Variants in TSPAN33 observed in about 807,000 individuals in gnomAD.
The protein encoded by TSPAN33 is tetraspanin 33.
A neutral mutation model predicts 34.8 loss-of-function variants in TSPAN33; 27 were observed. The ratio of observed to expected loss-of-function variants is 0.78; its 90% CI spans 0.57 to 1.07. The LOEUF (loss-of-function observed/expected upper bound fraction) is 1.07, where lower values mean the gene tolerates loss of function less well. Ranked by LOEUF, TSPAN33 falls within the 50% of genes least tolerant of loss-of-function variation. TSPAN33 has a pLI of 0.00. For missense variants in TSPAN33, 272 were observed against 324.9 expected, an observed-to-expected ratio of 0.84 and a Z score of 1.25; for synonymous variants, 119 against 124.2, an observed-to-expected ratio of 0.96 and a Z score of 0.28.
chr7:129,162,423 C>G lies in TSPAN33; in HGVS notation c.190C>G (p.Pro64Ala). Residue 64 changes from proline (P) to alanine (A), a missense_variant, in exon 3 of 8, where the codon CCT becomes GCT. Pro to Ala is a conservative substitution (Grantham distance 27, BLOSUM62 -1). Transcript: ENST00000486685. Reference protein sequence around the residue: ...EAALACLAVDPAILLIVVGVL... With the variant: ...EAALACLAVDAAILLIVVGVL... ...AGCCCTAGCCTGCCTGGCAGTGGAC[C>G]CTGCCATCCTGCTGATCGTGGTGGG... 6.2e-7 allele frequency: 1 copy of G among 1,613,788 alleles called. No individual in the cohort carries two copies. The highest frequency in any genetic ancestry group is 1.3e-5 in the African/African-American group (1 of 75,038).
intron 4 of TSPAN33, 76 bp from the exon 5 acceptor site, chr7:129,164,398 C>A: frequency 1.6e-6 from 2 of 1,258,576 alleles, no homozygotes; most frequent in Non-Finnish European, 2.3e-6. Flanking sequence ...TGATCCCTGT[C>A]TACTGTTATT....
At position 129,148,682 on chromosome 7, in the gene TSPAN33, C is replaced by G. The variant is rs1023397481; in HGVS notation, c.102+3600C>G. 6.6e-6 allele frequency among the ~76,000 whole-genome samples: 1 copy of G among 152,268 alleles called. No individual in the cohort carries two copies. Among genetic ancestry groups the G allele is most frequent in the East Asian group, 1.9e-4 (1 of 5,178 alleles). ...CACTTAAGCCAGGTCAGAAACATGG[C>G]AGCCATCCCCTCCTCAGAGCCACAC... On this transcript the variant is annotated intron_variant, in intron 1 of 7. Coordinates refer to ENST00000486685, the MANE Select transcript of TSPAN33 (RefSeq NM_178562.5). The surrounding 1 kb of genome is among the most constrained non-coding windows in gnomAD (Gnocchi z 4.2).
rs968527130 is a variant in TSPAN33, at chr7:129,168,561, CCTTA to C, written c.*691_*694del. The C allele has an allele frequency of 2.0e-5, 3 of 152,952 alleles. No individual in the cohort carries two copies. The highest frequency in any genetic ancestry group is 2.9e-5 in the Non-Finnish European group (2 of 68,328). The allele number at this position is 152,952 out of a possible 1,614,324, so 9.5% of individuals were successfully genotyped here. On this transcript the variant is annotated 3_prime_UTR_variant, in exon 8 of 8. Coordinates refer to ENST00000486685, the MANE Select transcript of TSPAN33 (RefSeq NM_178562.5). Reference sequence around the variant, plus strand: ...CAGCAGCCAAATTCTTCCCCACCTCCCTTACTTCGAAAAAAAGTTTGGAACCCTG... The same window carrying C: ...CAGCAGCCAAATTCTTCCCCACCTCCCTTCGAAAAAAAGTTTGGAACCCTG...
At chr7:129,164,037 A>G (rs1187330472) in intron 4 of TSPAN33, among the ~76,000 whole-genome samples, 1 of 152,188 alleles carries the variant, frequency 6.6e-6, no homozygotes, top group Non-Finnish European at 1.5e-5. Context: ...CCTGGCTTAC[A>G]GTAAGATCCT....
intron 1 of TSPAN33, among the ~76,000 whole-genome samples, chr7:129,159,261 A>T (rs1309068721): frequency 1.3e-5 from 2 of 152,124 alleles, no homozygotes; most frequent in Non-Finnish European, 2.9e-5. Context: ...GGGTTTCACC[A>T]TGTTGGCCAG....
At chr7:129,147,905 T>C (rs781172202) in intron 1 of TSPAN33, among the ~76,000 whole-genome samples, 5 of 152,312 alleles carry the variant, frequency 3.3e-5, no homozygotes, top group Middle Eastern at 6.8e-3. Flanking sequence ...CTACTGTTCA[T>C]GTTTCAAATC....
At position 129,167,022 on chromosome 7, in the gene TSPAN33, C is replaced by A; in HGVS notation, c.588+116C>A. ...AGCTTCACCGATCAGTCATGTGGGACAGCTGTCAGGTGTTTTTCTTCACCC... is the reference window on the plus strand; with the variant it reads ...AGCTTCACCGATCAGTCATGTGGGAAAGCTGTCAGGTGTTTTTCTTCACCC... On this transcript the variant is annotated intron_variant, in intron 6 of 7. Coordinates refer to ENST00000486685, the MANE Select transcript of TSPAN33 (RefSeq NM_178562.5). The surrounding 1 kb of genome is among the most constrained non-coding windows in gnomAD (Gnocchi z 4.6). The A allele has an allele frequency of 7.8e-7, 1 of 1,279,660 alleles. No individual in the cohort carries two copies. Among genetic ancestry groups the A allele is most frequent in the Non-Finnish European group, 1.1e-6 (1 of 922,116 alleles). 79.3% of individuals were successfully genotyped at this position (1,279,660 alleles called of 1,614,324 possible).
Position 129,168,918 on chromosome 7 carries a change from C to T in TSPAN33, c.*1044C>T, listed in dbSNP as rs1048504564. 1 of 152,280 alleles carries T rather than the reference C, an allele frequency of 6.6e-6. No individual in the cohort carries two copies. The highest frequency in any genetic ancestry group is 1.5e-5 in the Non-Finnish European group (1 of 68,128). The allele number at this position is 152,280 out of a possible 1,614,324, so 9.4% of individuals were successfully genotyped here. ...TGCAGAGGACGGCACTGGAGACTCT[C>T]CTAAACGCCACACACCTCCCCCTTG... On this transcript the variant is annotated 3_prime_UTR_variant, in exon 8 of 8. Coordinates refer to ENST00000486685, the MANE Select transcript of TSPAN33 (RefSeq NM_178562.5).
Position 129,168,046 on chromosome 7 carries a change from G to A in TSPAN33, c.*172G>A. The A allele has an allele frequency of 1.5e-6, 2 of 1,364,440 alleles. No homozygotes were observed. The highest frequency in any genetic ancestry group is 1.5e-5 in the South Asian group (1 of 66,418). The allele number at this position is 1,364,440 out of a possible 1,614,324, so 84.5% of individuals were successfully genotyped here. ...AAGGCAGGGTGCACAGGTGGCTCCA[G>A]TCTCAGGAGGATGCGCCTCCTCTCC... On this transcript the variant is annotated 3_prime_UTR_variant, in exon 8 of 8. Transcript: ENST00000486685.
chr7:129,151,130 A>G (rs190151687), intron 1 of TSPAN33, among the ~76,000 whole-genome samples: 94 of 151,832 alleles, frequency 6.2e-4, no homozygotes, highest in South Asian at 1.3e-3. Context: ...TTATTTGTTT[A>G]TTTGTTTGTT....
chr7:129,150,957 G>A (rs1465277006), intron 1 of TSPAN33, among the ~76,000 whole-genome samples: 3 of 152,060 alleles, frequency 2.0e-5, no homozygotes, highest in Non-Finnish European at 4.4e-5. Context: ...AAAAAGCTAA[G>A]CAGGAGACAA....
At position 129,162,942 on chromosome 7, in the gene TSPAN33, G is replaced by C. The variant is rs1294254591; in HGVS notation, c.363+35G>C. 2.5e-6 allele frequency: 4 copies of C among 1,595,908 alleles called. No individual in the cohort carries two copies. In the African/African-American group the frequency reaches 5.4e-5, roughly 21 times the overall value. ...GGAGCCAGGAGGCCTCCTCAGGTGT[G>C]ACCCAGAGGGAGGAAGGAAGGTTCC... On this transcript the variant is annotated intron_variant, in intron 4 of 7. Coordinates refer to ENST00000486685, the MANE Select transcript of TSPAN33 (RefSeq NM_178562.5).
Position 129,168,047 on chromosome 7 carries a change from T to A in TSPAN33, c.*173T>A. ...AGGCAGGGTGCACAGGTGGCTCCAG[T>A]CTCAGGAGGATGCGCCTCCTCTCCC... On this transcript the variant is annotated 3_prime_UTR_variant, in exon 8 of 8. Transcript: ENST00000486685. 7.3e-7 allele frequency: 1 copy of A among 1,364,708 alleles called. No individual in the cohort carries two copies. The highest frequency in any genetic ancestry group is 9.7e-7 in the Non-Finnish European group (1 of 1,033,316). 84.5% of individuals were successfully genotyped at this position (1,364,708 alleles called of 1,614,324 possible).
chr7:129,151,950 A>G (rs1021081642), intron 1 of TSPAN33, among the ~76,000 whole-genome samples: 1 of 152,242 alleles, frequency 6.6e-6, no homozygotes, highest in Non-Finnish European at 1.5e-5. Context: ...ACACAGCAGT[A>G]TCTGTGTAAT....
intron 3 of TSPAN33, 145 bp downstream of exon 3, chr7:129,162,666 C>T: frequency 6.8e-7 from 1 of 1,472,194 alleles, no homozygotes; most frequent in Non-Finnish European, 9.2e-7. Flanking sequence ...GCCCGGGTGA[C>T]CCAGCACAGG....
At chr7:129,162,259 C>T in intron 2 of TSPAN33, 135 bp from the exon 3 acceptor site, 3 of 1,348,660 alleles carry the variant, frequency 2.2e-6, no homozygotes, top group East Asian at 2.3e-5. Context: ...GGTACTGCCT[C>T]CCCTTAACCT....
At position 129,167,288 on chromosome 7, in the gene TSPAN33, A is replaced by G; in HGVS notation, c.589-111A>G. ...TTCCAACCCAATATCCTCCACATAT[A>G]TTCTCTGACAATTTAGGAGTTTGGG... On this transcript the variant is annotated intron_variant, in intron 6 of 7. Transcript: ENST00000486685. This position sits in a 1 kb window ranked among gnomAD's most constrained non-coding sequence, Gnocchi z 4.6. 7.6e-7 allele frequency: 1 copy of G among 1,318,110 alleles called. No individual in the cohort carries two copies. The highest frequency in any genetic ancestry group is 1.1e-6 in the Non-Finnish European group (1 of 950,210). 81.7% of individuals were successfully genotyped at this position (1,318,110 alleles called of 1,614,324 possible). A position where few individuals can be genotyped will look rare whatever the true frequency, so the allele number is the denominator to read the frequency against.
chr7:129,147,131 C>T (rs573616836), intron 1 of TSPAN33, among the ~76,000 whole-genome samples: 1 of 152,146 alleles, frequency 6.6e-6, no homozygotes, highest in South Asian at 2.1e-4. Flanking sequence ...AGAATAGAGC[C>T]CCTTCTTGGC....
chr7:129,161,563 C>T (rs1181150613), intron 1 of TSPAN33, 116 bp from the exon 2 acceptor site: 1 of 937,112 alleles, frequency 1.1e-6, no homozygotes, highest in Non-Finnish European at 1.7e-6. Flanking sequence ...GTGAAAGATG[C>T]TCACCTTTGG....
Sources: gnomAD v4.1 joint callset for allele counts (sites outside exome capture counted in the v4.1 genomes callset) on GRCh38, gnomAD v4.1.1 for gene constraint, Gnocchi (gnomAD v3.1) non-coding constraint, MANE v1.5 for transcripts, NCBI Gene and HGNC (gene_info 2026-07-23, HGNC 2026-07-21) for gene names.